The following PARP4 variants were observed in gnomAD, a reference collection of about 807,000 sequenced individuals.
PARP4 encodes poly(ADP-ribose) polymerase family member 4.
In PARP4, 120 loss-of-function variants were observed where a neutral mutation model predicts 187.7. That is an observed-to-expected ratio of 0.64 (90% CI 0.55 to 0.74). The LOEUF is 0.74. Ranked by LOEUF, PARP4 falls within the 30% of genes least tolerant of loss-of-function variation. The pLI is 0.00. For synonymous variants in PARP4, 654 were observed against 740.9 expected (o/e 0.88, Z 1.90); for missense variants, 1,836 against 2,070.5 (o/e 0.89, Z 2.20).
chr13:24,493,684 C>T lies in PARP4; in HGVS notation c.791G>A (p.Ser264Asn). ...MNSSTLSQEVSDLVEMIWAEA... is the reference protein window; with the variant it reads ...MNSSTLSQEVNDLVEMIWAEA... ...TGCCCAAATCATCTCTACTAAATCGCTCACCTCTTGGCTCAGAGTGCTTGA... is the reference window on the plus strand; with the variant it reads ...TGCCCAAATCATCTCTACTAAATCGTTCACCTCTTGGCTCAGAGTGCTTGA... Residue 264 changes from serine (S) to asparagine (N), a missense_variant, in exon 8 of 34, where the codon AGC becomes AAC. Transcript: ENST00000381989. 6.2e-7 allele frequency: 1 copy of T among 1,614,062 alleles called. No individual in the cohort carries two copies. Among genetic ancestry groups the T allele is most frequent in the South Asian group, 1.1e-5 (1 of 91,066 alleles).
At chr13:24,441,293 G>A (rs963884982) in intron 30 of PARP4, among the ~76,000 whole-genome samples, 3 of 152,106 alleles carry the variant, frequency 2.0e-5, no homozygotes, top group African/African-American at 4.8e-5. Flanking sequence ...CGTGAACCAC[G>A]GTGCCGGATC....
intron 22 of PARP4, 44 bp downstream of exon 22, chr13:24,454,973 A>G (rs752590188): frequency 2.1e-6 from 3 of 1,457,944 alleles, no homozygotes; most frequent in Non-Finnish European, 2.8e-6. Context: ...TGTGATTCAC[A>G]TGTAGGGGAA....
Position 24,453,674 on chromosome 13 carries a change from T to A in PARP4, c.2759-20A>T. The A allele has an allele frequency of 2.7e-6, 4 of 1,468,692 alleles. No homozygotes were observed. The highest frequency in any genetic ancestry group is 3.8e-6 in the Non-Finnish European group (4 of 1,048,322). 91.0% of individuals were successfully genotyped at this position (1,468,692 alleles called of 1,614,324 possible). A position where few individuals can be genotyped will look rare whatever the true frequency, so the allele number is the denominator to read the frequency against. On this transcript the variant is annotated intron_variant, in intron 22 of 33. Transcript: ENST00000381989. ...TGTAACCTGTGTAATAAGATCAGCA[T>A]GAGGTGCTGCTTCCACACGTTCACT...
intron 17 of PARP4, among the ~76,000 whole-genome samples, chr13:24,465,828 T>C (rs1872434620): frequency 6.6e-6 from 1 of 151,764 alleles, no homozygotes; most frequent in Non-Finnish European, 1.5e-5. Context: ...TTATAATATA[T>C]GAAGAAATAA....
At chr13:24,452,827 T>C (rs1871596604) in intron 23 of PARP4, among the ~76,000 whole-genome samples, 1 of 152,256 alleles carries the variant, frequency 6.6e-6, no homozygotes. Flanking sequence ...CAGAGGACTA[T>C]GACATCTACA....
intron 30 of PARP4, among the ~76,000 whole-genome samples, chr13:24,435,969 C>T (rs573734696): frequency 6.6e-6 from 1 of 150,426 alleles, no homozygotes; most frequent in Non-Finnish European, 1.5e-5. Context: ...CAGAGACATT[C>T]AAGATCATTT....
chr13:24,480,553 A>T (rs1873221431), intron 12 of PARP4, among the ~76,000 whole-genome samples: 1 of 152,252 alleles, frequency 6.6e-6, no homozygotes, highest in Non-Finnish European at 1.5e-5. Flanking sequence ...GAAGGAAATT[A>T]AAAGTGCTGC....
chr13:24,437,168 A>AAT (rs1870676012), intron 30 of PARP4, among the ~76,000 whole-genome samples: 1 of 152,192 alleles, frequency 6.6e-6, no homozygotes, highest in Admixed American at 6.5e-5. Flanking sequence ...CCATCTGGAA[A>AAT]AGAATAAAGT....
chr13:24,499,439 T>G (rs569694178), intron 4 of PARP4, 63 bp from the exon 5 acceptor site: 1 of 1,391,624 alleles, frequency 7.2e-7, no homozygotes, highest in African/African-American at 1.5e-5. Context: ...AAACAGAATT[T>G]CATAAATTTT....
At chr13:24,449,895 C>T (rs1871420873) in intron 24 of PARP4, 78 bp from the exon 25 acceptor site, 2 of 825,910 alleles carry the variant, frequency 2.4e-6, no homozygotes, top group Admixed American at 4.0e-5. Flanking sequence ...GTTGAGAAAG[C>T]TCACAACTCA....
intron 25 of PARP4, among the ~76,000 whole-genome samples, chr13:24,449,203 ACAG>A (rs1295116904): frequency 1.1e-4 from 17 of 152,136 alleles, no homozygotes; most frequent in Non-Finnish European, 1.5e-4. Context: ...CCTGGCTAAC[ACAG>A]TGAAACCCCA....
chr13:24,450,751 G>A (rs189530637), intron 24 of PARP4, among the ~76,000 whole-genome samples: 2 of 152,316 alleles, frequency 1.3e-5, no homozygotes, highest in Admixed American at 6.5e-5. Flanking sequence ...CCAAAAACTC[G>A]ACAGAAAAGC....
chr13:24,424,746 A>C (rs1869932136), intron 33 of PARP4, among the ~76,000 whole-genome samples: 1 of 143,708 alleles, frequency 7.0e-6, no homozygotes, highest in African/African-American at 2.6e-5. Context: ...ATCTTGACTC[A>C]CTGCAAGCTC....
chr13:24,498,532 A>G (rs1301827529), intron 5 of PARP4, among the ~76,000 whole-genome samples: 2 of 152,132 alleles, frequency 1.3e-5, no homozygotes, highest in Non-Finnish European at 2.9e-5. Context: ...TTCAAGTTAC[A>G]TTTTATTAAC....
chr13:24,481,034 G>A (rs1369981625), intron 12 of PARP4, among the ~76,000 whole-genome samples: 5 of 152,228 alleles, frequency 3.3e-5, no homozygotes, highest in African/African-American at 1.2e-4. Flanking sequence ...CTTGTCAGGG[G>A]CTAATGCAGC....
At chr13:24,459,532 TACACACACACACACGCACAC>T (rs1236240374) in intron 18 of PARP4, 4 of 316,434 alleles carry the variant, frequency 1.3e-5, no homozygotes, top group African/African-American at 2.5e-5. Flanking sequence ...TCTGTGTGTA[TACACACACACACACGCACAC>T]ACACACACAC....
In PARP4 at chr13:24,456,387, T is replaced by C. The variant is rs570620667; in HGVS notation, c.2516A>G (p.Tyr839Cys). The part of the protein sequence containing the change: ...FSLHIGLSAA[Y>C]LPRMWVEKHP... The stretch of plus-strand genomic sequence containing the variant: ...TTTTTCAACCCACATTCTTGGGAGA[T>C]AGGCAGCAGACAAACCGATGTGGAG... The change falls in exon 21 of 34, where the codon TAT becomes TGT. Residue 839 changes from tyrosine (Y) to cysteine (C), a missense_variant. Tyr to Cys is a radical substitution (Grantham distance 194). Coordinates refer to ENST00000381989, the MANE Select transcript of PARP4 (RefSeq NM_006437.4). 6 of 1,612,354 alleles carry C rather than the reference T, an allele frequency of 3.7e-6. No individual in the cohort carries two copies. Among genetic ancestry groups the C allele is most frequent in the East Asian group, 4.5e-5 (2 of 44,824 alleles).
chr13:24,452,611 A>G lies in PARP4; in HGVS notation c.2827-18T>C. ...GTGGCAGACTGGAGGAAATGAAGTG[A>G]AAGATTATGTTCTCCTTGTTGGATG... On this transcript the variant is annotated intron_variant, in intron 23 of 33. Transcript: ENST00000381989. 6.3e-7 allele frequency: 1 copy of G among 1,599,654 alleles called. No homozygotes were observed. The highest frequency in any genetic ancestry group is 8.5e-7 in the Non-Finnish European group (1 of 1,171,024).
intron 16 of PARP4, 141 bp downstream of exon 16, chr13:24,469,753 G>T: frequency 2.3e-6 from 2 of 879,436 alleles, no homozygotes; most frequent in Non-Finnish European, 3.4e-6. Flanking sequence ...CGCAAGAACT[G>T]ATTCTTCAAA....
Sources: gnomAD v4.1 joint callset for allele counts (sites outside exome capture counted in the v4.1 genomes callset) on GRCh38, gnomAD v4.1.1 for gene constraint, MANE v1.5 for transcripts, NCBI Gene and HGNC (gene_info 2026-07-23, HGNC 2026-07-21) for gene names.